The following PACRG variants were observed in gnomAD, a reference collection of about 807,000 sequenced individuals.
PACRG encodes parkin coregulated.
In PACRG, 29 loss-of-function variants were observed where a neutral mutation model predicts 29.7. That is an observed-to-expected ratio of 0.98 (90% CI 0.73 to 1.33). PACRG has a LOEUF of 1.33. Ranked by LOEUF, PACRG falls within the 40% of genes most tolerant of loss-of-function variation. The pLI, the probability that PACRG is intolerant of heterozygous loss-of-function variation, is 0.00. For synonymous variants in PACRG, 116 were observed against 118.7 expected (o/e 0.98, Z 0.15); for missense variants, 279 against 316.2 (o/e 0.88, Z 0.89).
At chr6:162,933,700 C>A (rs1409428103) in intron 2 of PACRG, among the ~76,000 whole-genome samples, 1 of 121,588 alleles carries the variant, frequency 8.2e-6, no homozygotes, top group African/African-American at 3.2e-5. Context: ...GGAATATTTT[C>A]TTCCATTTGT....
intron 2 of PACRG, among the ~76,000 whole-genome samples, chr6:162,952,728 G>A (rs190649731): frequency 3.3e-5 from 5 of 152,278 alleles, no homozygotes; most frequent in East Asian, 1.9e-4. Flanking sequence ...AAGGGCCATG[G>A]GAAGTAGCAT....
chr6:162,837,340 T>A (rs964989029), intron 2 of PACRG, among the ~76,000 whole-genome samples: 7 of 152,064 alleles, frequency 4.6e-5, no homozygotes, highest in Non-Finnish European at 8.8e-5. Flanking sequence ...AGCATGCATG[T>A]TGAATTGGAC....
At chr6:163,080,462 C>T (rs1312247344) in intron 3 of PACRG, among the ~76,000 whole-genome samples, 1 of 151,856 alleles carries the variant, frequency 6.6e-6, no homozygotes, top group African/African-American at 2.4e-5. Flanking sequence ...GCAGGCCCAA[C>T]CTGGGCAACA....
intron 2 of PACRG, among the ~76,000 whole-genome samples, chr6:162,852,292 T>C (rs1790983318): frequency 6.6e-6 from 1 of 152,198 alleles, no homozygotes; most frequent in African/African-American, 2.4e-5. Context: ...AGTATTCCTA[T>C]GCGTCCAGGG....
intron 2 of PACRG, among the ~76,000 whole-genome samples, chr6:163,056,050 A>G (rs1449277307): frequency 6.6e-6 from 1 of 152,258 alleles, no homozygotes; most frequent in African/African-American, 2.4e-5. Flanking sequence ...GAAAATCTAA[A>G]CCACAGGAAA....
At chr6:162,730,615 T>A (rs572472710) in intron 1 of PACRG, among the ~76,000 whole-genome samples, 1 of 152,284 alleles carries the variant, frequency 6.6e-6, no homozygotes, top group South Asian at 2.1e-4. Context: ...CAGAAATGCT[T>A]ATTTAAACAA....
Position 163,296,298 on chromosome 6 carries a change from A to AT in PACRG, c.614-18519dup, listed in dbSNP as rs1011765712. On this transcript the variant is annotated intron_variant, in intron 4 of 4. Transcript: ENST00000366888. ...TGAGTAATTTTCTTCACCTTCAGGC[A>AT]TTTTTTTTTTGAGACGGAATCTCGC... is the stretch of plus-strand genomic sequence containing the variant. Among the ~76,000 whole-genome samples the AT allele has an allele frequency of 7.9e-3, 1,181 of 149,322 alleles. 17 individuals are homozygous for AT. The highest frequency in any genetic ancestry group is 0.027 in the African/African-American group (1,082 of 40,824).
At chr6:162,766,981 T>A (rs1782846112) in intron 1 of PACRG, among the ~76,000 whole-genome samples, 1 of 152,090 alleles carries the variant, frequency 6.6e-6, no homozygotes, top group Non-Finnish European at 1.5e-5. Flanking sequence ...CGTGTGTTAT[T>A]TTGAAGCATT....
chr6:162,739,611 A>T (rs1174086054), intron 1 of PACRG, among the ~76,000 whole-genome samples: 2 of 152,116 alleles, frequency 1.3e-5, no homozygotes, highest in Non-Finnish European at 2.9e-5. Context: ...TGGGAGGCTG[A>T]CGCAGGTGAA....
At chr6:162,734,977 G>C (rs563441856) in intron 1 of PACRG, among the ~76,000 whole-genome samples, 1 of 152,246 alleles carries the variant, frequency 6.6e-6, no homozygotes, top group East Asian at 1.9e-4. Flanking sequence ...TCTATACATG[G>C]AATCATAAAG....
intron 2 of PACRG, among the ~76,000 whole-genome samples, chr6:162,923,128 A>T (rs1223686664): frequency 6.6e-6 from 1 of 152,164 alleles, no homozygotes; most frequent in African/African-American, 2.4e-5. Flanking sequence ...ATGATTAGTG[A>T]TGCTGAGCAT....
intron 2 of PACRG, among the ~76,000 whole-genome samples, chr6:162,867,659 C>T (rs1343831330): frequency 6.6e-6 from 1 of 152,196 alleles, no homozygotes; most frequent in East Asian, 1.9e-4. Flanking sequence ...TATTTCTCCT[C>T]CAGCAACTGG....
At chr6:163,101,727 C>G (rs1037741500) in intron 4 of PACRG, among the ~76,000 whole-genome samples, 1 of 152,162 alleles carries the variant, frequency 6.6e-6, no homozygotes, top group Non-Finnish European at 1.5e-5. Context: ...ACCTGCTGAG[C>G]TAGCCACTGG....
intron 4 of PACRG, among the ~76,000 whole-genome samples, chr6:163,273,467 C>G (rs1378580751): frequency 6.6e-6 from 1 of 152,048 alleles, no homozygotes; most frequent in Non-Finnish European, 1.5e-5. Flanking sequence ...TTTGATTAGA[C>G]AAGAATAGCT....
intron 2 of PACRG, among the ~76,000 whole-genome samples, chr6:163,003,220 G>A (rs1195189112): frequency 2.6e-5 from 4 of 152,138 alleles, no homozygotes; most frequent in Non-Finnish European, 4.4e-5. Flanking sequence ...GGATAAGTAC[G>A]TGTTGTCAGA....
chr6:162,909,710 A>C (rs577817889), intron 2 of PACRG, among the ~76,000 whole-genome samples: 1 of 152,170 alleles, frequency 6.6e-6, no homozygotes, highest in South Asian at 2.1e-4. Flanking sequence ...GTCACACTGC[A>C]TTATAATATT....
At chr6:162,994,231 C>T (rs566142467) in intron 2 of PACRG, among the ~76,000 whole-genome samples, 28 of 140,078 alleles carry the variant, frequency 2.0e-4, no homozygotes, top group Non-Finnish European at 4.0e-4. Context: ...TGGAGTTGCT[C>T]TTCTCGAGGA....
chr6:163,006,019 C>T (rs1183968181), intron 2 of PACRG, among the ~76,000 whole-genome samples: 1 of 133,334 alleles, frequency 7.5e-6, no homozygotes, highest in Admixed American at 7.4e-5. Flanking sequence ...ATGTTATATA[C>T]ATTATATATG....
chr6:163,103,768 A>G (rs1262816922), intron 4 of PACRG, among the ~76,000 whole-genome samples: 2 of 152,222 alleles, frequency 1.3e-5, no homozygotes, highest in African/African-American at 4.8e-5. Context: ...AAGAGGATAC[A>G]AAATTAACTG....
Sources: allele counts gnomAD v4.1 joint callset (sites outside exome capture counted in the v4.1 genomes callset), GRCh38; gene constraint gnomAD v4.1.1; transcripts MANE v1.5; gene names NCBI Gene and HGNC (gene_info 2026-07-23, HGNC 2026-07-21).